Variants in GSE1 observed in about 807,000 individuals in gnomAD.
GSE1 encodes the protein Gse1 coiled-coil protein.
A neutral mutation model predicts 112.6 loss-of-function variants in GSE1; 32 were observed. The ratio of observed to expected loss-of-function variants is 0.28; its 90% CI spans 0.21 to 0.38. The LOEUF (loss-of-function observed/expected upper bound fraction) is 0.38, where lower values mean the gene tolerates loss of function less well. Ranked by LOEUF, GSE1 falls within the 10% of genes least tolerant of loss-of-function variation. The pLI is 1.00. For missense variants in GSE1, 2,348 were observed against 1,699.2 expected (o/e 1.38, Z -6.71); for synonymous variants, 1,115 against 735.6 (o/e 1.52, Z -8.35).
At chr16:85,303,949 C>T (rs1312479599) in intron 1 of GSE1, among the ~76,000 whole-genome samples, 1 of 152,336 alleles carries the variant, frequency 6.6e-6, no homozygotes, top group East Asian at 1.9e-4. Flanking sequence ...TGCCTCTGGG[C>T]TGCTTGCGAA....
intron 2 of GSE1, among the ~76,000 whole-genome samples, chr16:85,498,402 C>T (rs573089621): frequency 1.3e-5 from 2 of 151,972 alleles, no homozygotes; most frequent in South Asian, 4.2e-4. Context: ...CACACATGCA[C>T]ATACATCCAG....
intron 2 of GSE1, among the ~76,000 whole-genome samples, chr16:85,488,618 G>T (rs12449117): frequency 6.6e-6 from 1 of 152,140 alleles, no homozygotes; most frequent in African/African-American, 2.4e-5. Flanking sequence ...AGTGCCACAA[G>T]AGAGGAAGTT....
At chr16:85,536,693 C>G (rs1016267565) in intron 2 of GSE1, among the ~76,000 whole-genome samples, 1 of 152,248 alleles carries the variant, frequency 6.6e-6, no homozygotes, top group Admixed American at 6.5e-5. Context: ...AGCCCCTGCC[C>G]TCTCCAGGAG....
At position 85,478,906 on chromosome 16, in the gene GSE1, TC is replaced by T. The variant is rs2050569414; in HGVS notation, c.2464+121264del. Among the ~76,000 whole-genome samples the T allele has an allele frequency of 1.4e-4, 9 of 66,618 alleles. 1 individual carries two copies. Among genetic ancestry groups the T allele is most frequent in the Non-Finnish European group, 2.3e-4 (8 of 35,336 alleles). The allele number at this position is 66,618 out of a possible 152,430, so 43.7% of individuals were successfully genotyped here. A position where few individuals can be genotyped will look rare whatever the true frequency, so the allele number is the denominator to read the frequency against. On this transcript the variant is annotated intron_variant, in intron 2 of 2. Transcript: ENST00000637419. ...TTCTTTCTTTCTTTCTTTCTTTCTT[TC>T]TTTCTTTCTTTCTTTCTTTCTCTTT...
intron 2 of GSE1, among the ~76,000 whole-genome samples, chr16:85,513,802 G>T (rs1413238213): frequency 6.6e-6 from 1 of 151,956 alleles, no homozygotes; most frequent in African/African-American, 2.4e-5. Context: ...GCACACTGCA[G>T]ACCGGGGAGG....
At chr16:85,321,078 C>T (rs1490476685) in intron 1 of GSE1, among the ~76,000 whole-genome samples, 2 of 152,200 alleles carry the variant, frequency 1.3e-5, no homozygotes, top group Non-Finnish European at 2.9e-5. Context: ...CCCTGGCCCT[C>T]TATATGTTGT....
chr16:85,173,639 G>A (rs933878508), intron 1 of GSE1, among the ~76,000 whole-genome samples: 1 of 152,204 alleles, frequency 6.6e-6, no homozygotes, highest in Non-Finnish European at 1.5e-5. Flanking sequence ...CTCAAACACA[G>A]GGTTTTGTGC....
At chr16:85,570,431 G>A (rs1184616122) in intron 1 of GSE1, among the ~76,000 whole-genome samples, 1 of 152,220 alleles carries the variant, frequency 6.6e-6, no homozygotes, top group Non-Finnish European at 1.5e-5. Flanking sequence ...CACCTGCTGT[G>A]TGACAAAGTC....
intron 1 of GSE1, among the ~76,000 whole-genome samples, chr16:85,244,145 A>G (rs1028230842): frequency 2.6e-5 from 4 of 152,184 alleles, no homozygotes; most frequent in Non-Finnish European, 4.4e-5. Flanking sequence ...AGTGGGGGGC[A>G]TTAAGGTTGC....
chr16:85,672,339 G>C, intron 15 of GSE1, 66 bp from the exon 16 acceptor site: 1 of 1,224,600 alleles, frequency 8.2e-7, no homozygotes, highest in Non-Finnish European at 1.2e-6. Context: ...CAGCATGTTT[G>C]TACTCTACAT....
chr16:85,508,797 G>GTCACA (rs1162379688), intron 2 of GSE1, among the ~76,000 whole-genome samples: 12 of 152,218 alleles, frequency 7.9e-5, no homozygotes, highest in Non-Finnish European at 1.8e-4. Context: ...CTGAACTGGG[G>GTCACA]TCCTTGAACT....
intron 1 of GSE1, among the ~76,000 whole-genome samples, chr16:85,284,415 C>A (rs987534221): frequency 6.6e-6 from 1 of 152,170 alleles, no homozygotes; most frequent in East Asian, 1.9e-4. Context: ...TGGGAGGTGC[C>A]AGGTGAGACC....
intron 1 of GSE1, among the ~76,000 whole-genome samples, chr16:85,563,506 G>A (rs2151296335): frequency 6.6e-6 from 1 of 152,304 alleles, no homozygotes; most frequent in Admixed American, 6.5e-5. Context: ...GGGGCTGGGG[G>A]ATTGCGGGAG....
intron 2 of GSE1, among the ~76,000 whole-genome samples, chr16:85,638,127 G>A (rs977043811): frequency 6.6e-6 from 1 of 152,238 alleles, no homozygotes; most frequent in Non-Finnish European, 1.5e-5. Flanking sequence ...ACTTCTGGAA[G>A]TGCCTCTCGG....
intron 1 of GSE1, chr16:85,185,165 C>G (rs1469102852): frequency 6.6e-6 from 1 of 152,240 alleles, no homozygotes; most frequent in Non-Finnish European, 1.5e-5. Flanking sequence ...CCATCTCTGG[C>G]AGCATCTTTG....
At chr16:85,663,872 C>T (rs957326876) in intron 11 of GSE1, among the ~76,000 whole-genome samples, 4 of 152,276 alleles carry the variant, frequency 2.6e-5, no homozygotes, top group South Asian at 2.1e-4. Flanking sequence ...CATCTCCCAG[C>T]GCCCGAGAAG....
At chr16:85,554,794 G>A (rs1194172740), upstream of GSE1, 5 of 785,734 alleles carry the variant, frequency 6.4e-6, no homozygotes, top group Non-Finnish European at 7.7e-6. Context: ...AGGGAGGGAG[G>A]ACGGACGGGC....
intron 1 of GSE1, chr16:85,285,745 G>T (rs1445496757): frequency 6.6e-6 from 1 of 151,468 alleles, no homozygotes; most frequent in Non-Finnish European, 1.5e-5. Flanking sequence ...CCCTGCCCCA[G>T]ACCTAGAATC....
chr16:85,345,549 C>T (rs2046716918), intron 1 of GSE1, among the ~76,000 whole-genome samples: 1 of 152,218 alleles, frequency 6.6e-6, no homozygotes, highest in South Asian at 2.1e-4. Flanking sequence ...TTTTCACAAA[C>T]ATCCTCTTCT....
Sources: allele counts gnomAD v4.1 joint callset (sites outside exome capture counted in the v4.1 genomes callset), GRCh38; gene constraint gnomAD v4.1.1; transcripts MANE v1.5; gene names NCBI Gene and HGNC (gene_info 2026-07-23, HGNC 2026-07-21).